Variants in SGCD observed in about 807,000 individuals in gnomAD.
The protein encoded by SGCD is delta-sarcoglycan.
Under a neutral mutation model 36.6 loss-of-function variants are expected in SGCD, and 18 were observed. The observed-to-expected ratio is 0.49, with a 90% CI of 0.34 to 0.73. SGCD has a LOEUF of 0.73. Among genes scored for constraint, SGCD ranks in the 30% least tolerant of loss-of-function variants. SGCD has a pLI of 0.01. For synonymous variants in SGCD, 133 were observed against 130.6 expected (o/e 1.02, Z -0.12); for missense variants, 387 against 346.7 (o/e 1.12, Z -0.92).
At chr5:155,855,529 T>C in the SGCD span, among the ~76,000 whole-genome samples, 1 of 152,192 alleles carries the variant, frequency 6.6e-6, no homozygotes, top group Non-Finnish European at 1.5e-5. Context: ...TTTTCCAAAA[T>C]GTGCTTTGAT....
intron 3 of SGCD, among the ~76,000 whole-genome samples, chr5:156,434,155 T>G (rs1265660225): frequency 1.3e-5 from 2 of 152,230 alleles, no homozygotes; most frequent in Non-Finnish European, 2.9e-5. Flanking sequence ...AGCTGGCTAA[T>G]ACCAGAAGAA....
intron 7 of SGCD, among the ~76,000 whole-genome samples, chr5:156,706,059 C>G (rs77058647): frequency 6.1e-4 from 93 of 152,214 alleles, no homozygotes; most frequent in African/African-American, 2.2e-3. Context: ...TCTTGCTCAT[C>G]TCTATGAACG....
the SGCD span, among the ~76,000 whole-genome samples, chr5:155,864,637 T>C: frequency 2.0e-5 from 3 of 152,238 alleles, no homozygotes; most frequent in Non-Finnish European, 4.4e-5. Flanking sequence ...ATACAGATTT[T>C]ACTACATGAA....
At chr5:156,269,711 A>T (rs1425392568) in intron 3 of SGCD, among the ~76,000 whole-genome samples, 2 of 151,690 alleles carry the variant, frequency 1.3e-5, no homozygotes, top group East Asian at 1.9e-4. Context: ...TTTAAATGGG[A>T]TTGTTTGTTT....
intron 4 of SGCD, among the ~76,000 whole-genome samples, chr5:156,572,374 G>A (rs1323637630): frequency 6.6e-5 from 10 of 152,162 alleles, no homozygotes. Context: ...AGCAGTGTAT[G>A]AGGGTTCCAG....
chr5:156,025,428 C>T (rs918399397), intron 1 of SGCD, among the ~76,000 whole-genome samples: 1 of 152,186 alleles, frequency 6.6e-6, no homozygotes, highest in South Asian at 2.1e-4. Context: ...CCTTACCACT[C>T]TCAGTCAAAT....
At chr5:156,212,693 A>G (rs111850220) in intron 3 of SGCD, among the ~76,000 whole-genome samples, 221 of 152,270 alleles carry the variant, frequency 1.5e-3, no homozygotes, top group Admixed American at 3.1e-3. Flanking sequence ...TCAGAGCAGA[A>G]TACACATTCT....
intron 3 of SGCD, among the ~76,000 whole-genome samples, chr5:156,390,408 G>T (rs1007912196): frequency 6.6e-6 from 1 of 152,152 alleles, no homozygotes. Flanking sequence ...GCTAATGTGT[G>T]TGTCTGTATC....
chr5:156,751,842 G>A (rs191242358), intron 7 of SGCD, among the ~76,000 whole-genome samples: 2 of 152,336 alleles, frequency 1.3e-5, no homozygotes, highest in African/African-American at 4.8e-5. Context: ...GTCAGTTGGA[G>A]CAATCACTTT....
intron 1 of SGCD, among the ~76,000 whole-genome samples, chr5:155,914,274 C>T (rs965536536): frequency 3.9e-5 from 6 of 152,170 alleles, no homozygotes; most frequent in Admixed American, 2.6e-4. Context: ...CATATACTAT[C>T]ATTACAACAG....
intron 1 of SGCD, among the ~76,000 whole-genome samples, chr5:155,894,268 A>G (rs1279060728): frequency 1.3e-5 from 2 of 152,238 alleles, no homozygotes; most frequent in Non-Finnish European, 2.9e-5. Flanking sequence ...GCATCATGCT[A>G]TAGCCTTATT....
intron 3 of SGCD, among the ~76,000 whole-genome samples, chr5:156,487,333 A>T (rs769700513): frequency 3.3e-5 from 5 of 152,238 alleles, no homozygotes; most frequent in Admixed American, 3.3e-4. Flanking sequence ...AATCAACACT[A>T]TAGATGCATG....
At chr5:156,643,028 T>G (rs1292995045) in intron 6 of SGCD, among the ~76,000 whole-genome samples, 3 of 85,432 alleles carry the variant, frequency 3.5e-5, no homozygotes, top group African/African-American at 1.6e-4. Flanking sequence ...TTTTTTGTTT[T>G]TTTTTTTGTT....
At chr5:156,393,593 T>A (rs1306352401) in intron 3 of SGCD, among the ~76,000 whole-genome samples, 1 of 152,232 alleles carries the variant, frequency 6.6e-6, no homozygotes, top group East Asian at 1.9e-4. Context: ...CTCTGCTCCA[T>A]GTAGAGTGAA....
the SGCD span, among the ~76,000 whole-genome samples, chr5:155,852,340 A>G: frequency 6.6e-6 from 1 of 152,136 alleles, no homozygotes; most frequent in African/African-American, 2.4e-5. Context: ...CTTTGGTGAT[A>G]TTGCCTTATT....
intron 3 of SGCD, among the ~76,000 whole-genome samples, chr5:156,488,110 T>A (rs1000522095): frequency 2.1e-5 from 3 of 144,658 alleles, no homozygotes; most frequent in Non-Finnish European, 3.1e-5. Context: ...TTTTTTTTTT[T>A]TTTTTTTTTT....
chr5:156,328,985 C>T (rs973219836), intron 1 of SGCD, among the ~76,000 whole-genome samples: 2 of 152,082 alleles, frequency 1.3e-5, no homozygotes, highest in Admixed American at 6.5e-5. Flanking sequence ...ATTTAGCGTG[C>T]GTCAAGCATT....
chr5:156,622,867 A>G (rs1762308635), intron 6 of SGCD, among the ~76,000 whole-genome samples: 1 of 152,142 alleles, frequency 6.6e-6, no homozygotes, highest in Non-Finnish European at 1.5e-5. Flanking sequence ...AGAAGATCAG[A>G]GGGTGACTTT....
intron 4 of SGCD, among the ~76,000 whole-genome samples, chr5:156,535,704 A>C (rs1217470438): frequency 6.6e-6 from 1 of 152,220 alleles, no homozygotes; most frequent in Non-Finnish European, 1.5e-5. Context: ...TTTTTACACA[A>C]TGATGAATTT....
Sources: gnomAD v4.1 joint callset for allele counts (sites outside exome capture counted in the v4.1 genomes callset) on GRCh38, gnomAD v4.1.1 for gene constraint, MANE v1.5 for transcripts, NCBI Gene and HGNC (gene_info 2026-07-23, HGNC 2026-07-21) for gene names.